The following ERBB4 variants were observed in gnomAD, a reference collection of about 807,000 sequenced individuals.
The protein encoded by ERBB4 is receptor tyrosine-protein kinase erbB-4.
Under a neutral mutation model 158.0 loss-of-function variants are expected in ERBB4, and 42 were observed. That is an observed-to-expected ratio of 0.27 (90% CI 0.21 to 0.34). The LOEUF is 0.34. Among genes scored for constraint, ERBB4 ranks in the 10% least tolerant of loss-of-function variants. The pLI is 1.00. For synonymous variants in ERBB4, 583 were observed against 558.7 expected, an observed-to-expected ratio of 1.04 and a Z score of -0.61; for missense variants, 1,333 against 1,624.1, an observed-to-expected ratio of 0.82 and a Z score of 3.08.
chr2:212,346,149 C>T (rs962421895), intron 1 of ERBB4, among the ~76,000 whole-genome samples: 6 of 152,046 alleles, frequency 3.9e-5, no homozygotes, highest in Non-Finnish European at 8.8e-5. Context: ...TTTGTCACAG[C>T]AGATAAAAAG....
intron 25 of ERBB4, among the ~76,000 whole-genome samples, chr2:211,403,997 T>TACTC (rs536067085): frequency 9.8e-4 from 149 of 152,126 alleles, no homozygotes; most frequent in Non-Finnish European, 1.9e-3. Flanking sequence ...GAACCTAGCA[T>TACTC]ACTCAGTTGA....
rs147275740 is a variant in ERBB4 at position 211,830,093 on chromosome 2, T to C, written c.422-41934A>G. Among the ~76,000 whole-genome samples the C allele has an allele frequency of 2.5e-4, 38 of 152,298 alleles. No individual in the cohort carries two copies. The East Asian group carries it at 6.8e-3, about 27-fold the overall frequency. On this transcript the variant is annotated intron_variant, in intron 3 of 27. Transcript: ENST00000342788. ...TGTACCTATCCTAACACTAGCACACTGCTCTGAATTTGTTATTCTACTTAT... is the reference window on the plus strand; with the variant it reads ...TGTACCTATCCTAACACTAGCACACCGCTCTGAATTTGTTATTCTACTTAT...
At chr2:212,147,331 A>T (rs2125619972) in intron 1 of ERBB4, among the ~76,000 whole-genome samples, 1 of 151,632 alleles carries the variant, frequency 6.6e-6, no homozygotes, top group South Asian at 2.1e-4. Flanking sequence ...AAGAATTACA[A>T]TATTATTGTG....
intron 16 of ERBB4, among the ~76,000 whole-genome samples, chr2:211,633,792 A>T (rs2070242006): frequency 6.6e-6 from 1 of 151,482 alleles, no homozygotes; most frequent in East Asian, 1.9e-4. Flanking sequence ...TACCTAAGCA[A>T]AAGAAAGATT....
chr2:211,650,824 A>G (rs2070954248), intron 16 of ERBB4, among the ~76,000 whole-genome samples: 1 of 152,212 alleles, frequency 6.6e-6, no homozygotes, highest in African/African-American at 2.4e-5. Context: ...CTGATATAAC[A>G]CATTATTAAT....
intron 2 of ERBB4, among the ~76,000 whole-genome samples, chr2:212,076,230 A>C (rs2078269876): frequency 6.6e-6 from 1 of 151,880 alleles, no homozygotes; most frequent in South Asian, 2.1e-4. Context: ...CATTATTTTA[A>C]AATATTCTAT....
At chr2:211,463,594 G>T (rs536051712) in intron 20 of ERBB4, among the ~76,000 whole-genome samples, 1 of 152,242 alleles carries the variant, frequency 6.6e-6, no homozygotes, top group African/African-American at 2.4e-5. Flanking sequence ...AAAGTTTAGT[G>T]GACATAGGAA....
At chr2:211,942,432 C>T (rs1210041433) in intron 3 of ERBB4, among the ~76,000 whole-genome samples, 1 of 151,794 alleles carries the variant, frequency 6.6e-6, no homozygotes, top group Non-Finnish European at 1.5e-5. Context: ...TCATAGCTCA[C>T]TGCAGCCTCG....
chr2:211,701,756 C>CAAAA lies in ERBB4; in HGVS notation c.1489+207_1489+210dup, dbSNP rs71409856. On this transcript the variant is annotated intron_variant, in intron 12 of 27. Coordinates refer to ENST00000342788, the MANE Select transcript of ERBB4 (RefSeq NM_005235.3). Reference sequence around the variant, plus strand: ...GGGGCAACAGAGCGAGACTCCGTCTCAAAAAAAAAAAAAAAAAAAAAAAAA... The same window carrying CAAAA: ...GGGGCAACAGAGCGAGACTCCGTCTCAAAAAAAAAAAAAAAAAAAAAAAAAAAAA... 9.2e-4 allele frequency among the ~76,000 whole-genome samples: 61 copies of CAAAA among 66,642 alleles called. 1 individual carries two copies. The highest frequency in any genetic ancestry group is 2.1e-3 in the African/African-American group (42 of 20,118). 43.7% of individuals were successfully genotyped at this position (66,642 alleles called of 152,430 possible).
intron 1 of ERBB4, among the ~76,000 whole-genome samples, chr2:212,285,353 T>C (rs1574598409): frequency 1.3e-5 from 2 of 150,916 alleles, no homozygotes; most frequent in African/African-American, 4.9e-5. Context: ...TCAAAGCCAA[T>C]ATTTCAGAAA....
chr2:212,185,023 T>TTTTTTTTTTC (rs1262142974), intron 1 of ERBB4, among the ~76,000 whole-genome samples: 4 of 138,938 alleles, frequency 2.9e-5, no homozygotes, highest in African/African-American at 1.1e-4. Context: ...TTTTTTTTCT[T>TTTTTTTTTTC]TTTTTTTTTT....
chr2:211,561,583 A>G (rs16846450), intron 20 of ERBB4, among the ~76,000 whole-genome samples: 1,594 of 152,326 alleles, frequency 0.01, 32 homozygotes, highest in African/African-American at 0.036. Flanking sequence ...CTTGGATTTT[A>G]TTAGTTAACT....
intron 25 of ERBB4, among the ~76,000 whole-genome samples, chr2:211,413,521 A>G (rs1332207716): frequency 2.6e-5 from 4 of 152,208 alleles, no homozygotes; most frequent in South Asian, 4.1e-4. Context: ...TGAGACTACA[A>G]TCATTTATCA....
At chr2:212,179,335 T>C (rs544302811) in intron 1 of ERBB4, among the ~76,000 whole-genome samples, 1 of 61,672 alleles carries the variant, frequency 1.6e-5, no homozygotes, top group African/African-American at 5.8e-5. Context: ...CCAGAAAACA[T>C]TGAGAGCTTT....
chr2:212,401,421 A>G (rs1203859048), intron 1 of ERBB4, among the ~76,000 whole-genome samples: 1 of 152,158 alleles, frequency 6.6e-6, no homozygotes, highest in Non-Finnish European at 1.5e-5. Context: ...TGCCTTCTCT[A>G]CAAAAGCTGG....
rs539959668 is a variant in ERBB4, at chr2:212,474,822, C to CTTTTTTTTTTTTTTTTTTTTTTTT, written c.82+63626_82+63627insAAAAAAAAAAAAAAAAAAAAAAAA. ...CACCATTTCCTGACACCCGGCCATT[C>CTTTTTTTTTTTTTTTTTTTTTTTT]TTTTTTTTTTTTTTTTTTGTCAAGA... On this transcript the variant is annotated intron_variant, in intron 1 of 27. Coordinates refer to ENST00000342788, the MANE Select transcript of ERBB4 (RefSeq NM_005235.3). Among the ~76,000 whole-genome samples the CTTTTTTTTTTTTTTTTTTTTTTTT allele has an allele frequency of 2.3e-4, 22 of 94,412 alleles. 4 individuals are homozygous for CTTTTTTTTTTTTTTTTTTTTTTTT. The highest frequency in any genetic ancestry group is 1.0e-3 in the African/African-American group (17 of 16,428). The allele number at this position is 94,412 out of a possible 152,430, so 61.9% of individuals were successfully genotyped here. A position where few individuals can be genotyped will look rare whatever the true frequency, so the allele number is the denominator to read the frequency against.
chr2:211,892,538 G>A (rs1343239991), intron 3 of ERBB4, among the ~76,000 whole-genome samples: 1 of 141,558 alleles, frequency 7.1e-6, no homozygotes, highest in East Asian at 1.9e-4. Context: ...ATTCAACATA[G>A]TGTTGGAAGT....
chr2:211,940,008 G>GAT (rs1218697380), intron 3 of ERBB4, among the ~76,000 whole-genome samples: 7 of 148,878 alleles, frequency 4.7e-5, no homozygotes, highest in Admixed American at 2.7e-4. Context: ...TAGATAGATA[G>GAT]AGATAGATAT....
chr2:212,345,036 C>T (rs2088915627), intron 1 of ERBB4, among the ~76,000 whole-genome samples: 1 of 151,752 alleles, frequency 6.6e-6, no homozygotes, highest in African/African-American at 2.4e-5. Context: ...CCGAGATGGG[C>T]GGATCACGAG....
Sources: allele counts gnomAD v4.1 joint callset (sites outside exome capture counted in the v4.1 genomes callset), GRCh38; gene constraint gnomAD v4.1.1; transcripts MANE v1.5; gene names NCBI Gene and HGNC (gene_info 2026-07-23, HGNC 2026-07-21).